INO80: variants seen among roughly 807,000 people sequenced by gnomAD.
The protein encoded by INO80 is INO80 complex ATPase subunit, also known as chromatin-remodeling ATPase INO80.
In INO80, 20 loss-of-function variants were observed where a neutral mutation model predicts 203.4. The observed-to-expected ratio is 0.10, with a 90% confidence interval of 0.07 to 0.14. The LOEUF (loss-of-function observed/expected upper bound fraction) is 0.14. Ranked by LOEUF, INO80 falls within the 10% of genes least tolerant of loss-of-function variation. The pLI, the probability that INO80 is intolerant of heterozygous loss-of-function variation, is 1.00. For missense variants in INO80, 1,419 were observed against 1,914.4 expected (o/e 0.74, Z 4.83); for synonymous variants, 726 against 685.2 (o/e 1.06, Z -0.93).
At chr15:40,996,570 C>T (rs192846053) in intron 29 of INO80, among the ~76,000 whole-genome samples, 4 of 152,200 alleles carry the variant, frequency 2.6e-5, no homozygotes, top group Admixed American at 2.0e-4. Flanking sequence ...GTGATCCACC[C>T]GCCTTGGCCT....
chr15:41,050,948 T>C (rs1020883895), intron 19 of INO80, among the ~76,000 whole-genome samples: 2 of 151,664 alleles, frequency 1.3e-5, no homozygotes, highest in South Asian at 2.1e-4. Flanking sequence ...CTGGCCAACA[T>C]AGTGAAACCC....
intron 18 of INO80, among the ~76,000 whole-genome samples, chr15:41,054,964 G>C (rs552482461): frequency 6.6e-6 from 1 of 152,132 alleles, no homozygotes; most frequent in Non-Finnish European, 1.5e-5. Flanking sequence ...GATCTAAATG[G>C]GAAATGTGAA....
intron 14 of INO80, among the ~76,000 whole-genome samples, chr15:41,063,424 A>C (rs562961182): frequency 1.3e-5 from 2 of 152,056 alleles, no homozygotes; most frequent in Non-Finnish European, 2.9e-5. Flanking sequence ...AAGACTTAAA[A>C]CTCAATATAT....
At chr15:41,056,482 C>CT (rs2044987012) in intron 17 of INO80, 140 bp downstream of exon 17, 2 of 650,080 alleles carry the variant, frequency 3.1e-6, no homozygotes, top group Non-Finnish European at 2.7e-6. Context: ...TAAAAGACGA[C>CT]TTGGGGCAAG....
At position 41,020,596 on chromosome 15, in the gene INO80, G is replaced by A. The variant is rs767924952; in HGVS notation, c.3274+304C>T. Among the ~76,000 whole-genome samples, 200 of 151,182 alleles carry A rather than the reference G, an allele frequency of 1.3e-3. 1 individual carries two copies. The highest frequency in any genetic ancestry group is 2.2e-4 in the Non-Finnish European group (15 of 67,922). Reference sequence around the variant, plus strand: ...CCACTGGCAATGGCACAAGACAACCGTACTCATTCAACCTAGAGCCTTTCC... The same window carrying A: ...CCACTGGCAATGGCACAAGACAACCATACTCATTCAACCTAGAGCCTTTCC... On this transcript the variant is annotated intron_variant, in intron 26 of 35. Coordinates refer to ENST00000648947, the MANE Select transcript of INO80 (RefSeq NM_017553.3).
In INO80 at chr15:41,055,334, T is replaced by C. The variant is rs2044963142; in HGVS notation, c.2101A>G (p.Thr701Ala). The C allele has an allele frequency of 6.2e-7, 1 of 1,612,776 alleles. No individual in the cohort carries two copies. Among genetic ancestry groups the C allele is most frequent in the Non-Finnish European group, 8.5e-7 (1 of 1,179,406 alleles). Reference protein sequence around the residue: ...LWALLHFIMPTLFDSHEEFNE... With the variant: ...LWALLHFIMPALFDSHEEFNE... Reference sequence around the variant, plus strand: ...AATTCCTCATGTGAATCAAATAATGTTGGCATAATGAAATGCAGCAGAGCC... The same window carrying C: ...AATTCCTCATGTGAATCAAATAATGCTGGCATAATGAAATGCAGCAGAGCC... The change falls in exon 18 of 36, where the codon ACA becomes GCA. Residue 701 changes from threonine to alanine, a missense_variant. Coordinates refer to ENST00000648947, the MANE Select transcript of INO80 (RefSeq NM_017553.3).
chr15:41,013,516 C>T (rs2044161377), intron 27 of INO80, among the ~76,000 whole-genome samples: 1 of 152,142 alleles, frequency 6.6e-6, no homozygotes, highest in Admixed American at 6.5e-5. Context: ...TGCACCATCT[C>T]AAGTCGTACA....
chr15:41,043,650 T>A (rs1325299361), intron 24 of INO80, among the ~76,000 whole-genome samples: 1 of 152,156 alleles, frequency 6.6e-6, no homozygotes, highest in Non-Finnish European at 1.5e-5. Context: ...CCCATAACAT[T>A]TTCTATAGGA....
chr15:41,104,182 G>A (rs1464306217), intron 1 of INO80, among the ~76,000 whole-genome samples: 1 of 138,620 alleles, frequency 7.2e-6, no homozygotes, highest in Non-Finnish European at 1.5e-5. Flanking sequence ...CTCCAGCCTG[G>A]GCAATGAGAG....
intron 25 of INO80, chr15:41,023,387 AAAAG>A (rs2044324540): frequency 3.2e-6 from 1 of 314,862 alleles, no homozygotes; most frequent in Non-Finnish European, 6.3e-6. Flanking sequence ...AAAAAGTTTA[AAAAG>A]TAAGTCTAGA....
At chr15:41,061,476 A>T (rs1217285137) in intron 14 of INO80, among the ~76,000 whole-genome samples, 1 of 143,064 alleles carries the variant, frequency 7.0e-6, no homozygotes, top group Non-Finnish European at 1.5e-5. Flanking sequence ...AAAAAAAATT[A>T]GCCAGGAGTG....
intron 25 of INO80, among the ~76,000 whole-genome samples, chr15:41,021,606 A>C (rs973177023): frequency 4.6e-5 from 7 of 152,224 alleles, no homozygotes; most frequent in Non-Finnish European, 7.3e-5. Context: ...AAGCTCCCAA[A>C]TTTATCAACA....
intron 24 of INO80, among the ~76,000 whole-genome samples, chr15:41,031,998 GACAGCACAGCACAGC>G (rs1414668191): frequency 1.9e-5 from 1 of 53,864 alleles, no homozygotes; most frequent in Non-Finnish European, 4.5e-5. Context: ...CACAGCACAG[GACAGCACAGCACAGC>G]ACAGCACAGC....
chr15:40,995,458 ATAAT>A lies in INO80; in HGVS notation c.3570+2067_3570+2070del, dbSNP rs928183174. 9.2e-5 allele frequency among the ~76,000 whole-genome samples: 14 copies of A among 152,354 alleles called. No individual in the cohort carries two copies. The South Asian group carries it at 1.7e-3, about 18-fold the overall frequency. ...AAAATTTGGAAGGGAAAGTGGTCTG[ATAAT>A]TAAGCTATAAAGGTAGATAAAGGAC... On this transcript the variant is annotated intron_variant, in intron 29 of 35. Transcript: ENST00000648947.
At chr15:40,999,552 A>G (rs1298211611) in intron 28 of INO80, 1 of 152,236 alleles carries the variant, frequency 6.6e-6, no homozygotes, top group Non-Finnish European at 1.5e-5. Flanking sequence ...TAGTGATTCC[A>G]AATGCTTTGT....
chr15:41,012,561 T>TTAAAAAA (rs552096950), intron 27 of INO80, among the ~76,000 whole-genome samples: 31 of 90,848 alleles, frequency 3.4e-4, no homozygotes, highest in African/African-American at 1.3e-3. Context: ...AGACTCTTTT[T>TTAAAAAA]AAAAAAAAAA....
chr15:41,044,388 T>C (rs1343732332), intron 24 of INO80, among the ~76,000 whole-genome samples: 2 of 152,194 alleles, frequency 1.3e-5, no homozygotes, highest in African/African-American at 4.8e-5. Context: ...ATGCTATATA[T>C]GACATGGACA....
chr15:41,037,259 A>G (rs2044593181), intron 24 of INO80, among the ~76,000 whole-genome samples: 1 of 151,894 alleles, frequency 6.6e-6, no homozygotes, highest in Non-Finnish European at 1.5e-5. Context: ...CTATAATTCC[A>G]GCACTCTGGG....
chr15:41,055,033 A>G (rs765705824), intron 18 of INO80, among the ~76,000 whole-genome samples: 15 of 152,216 alleles, frequency 9.9e-5, no homozygotes, highest in Non-Finnish European at 1.9e-4. Context: ...TGATTAGACA[A>G]GACTACAGTA....
Sources: allele counts gnomAD v4.1 joint callset (sites outside exome capture counted in the v4.1 genomes callset), GRCh38; gene constraint gnomAD v4.1.1; transcripts MANE v1.5; gene names NCBI Gene and HGNC (gene_info 2026-07-23, HGNC 2026-07-21).